Variants in ALDH3A2 observed in about 807,000 individuals in gnomAD.
The protein encoded by ALDH3A2 is aldehyde dehydrogenase family 3 member A2.
ALDH3A2 carries 36 observed loss-of-function variants against 51.3 expected under a neutral mutation model. That is an observed-to-expected ratio of 0.70 (90% CI 0.54 to 0.93). The LOEUF (loss-of-function observed/expected upper bound fraction) is 0.93. ALDH3A2 is among the 40% of genes least tolerant of loss of function. The probability of loss-of-function intolerance (pLI) is 0.00; values close to 1 mark genes in which losing one functional copy is unlikely to be tolerated. For missense variants in ALDH3A2, 552 were observed against 603.1 expected, an observed-to-expected ratio of 0.92 and a Z score of 0.89; for synonymous variants, 199 against 219.8, an observed-to-expected ratio of 0.91 and a Z score of 0.84.
At position 19,677,491 on chromosome 17, in the gene ALDH3A2, A is replaced by C. The variant is rs970624605; in HGVS notation, c.*1919A>C. ...GAACATATTTCATAAAATTGGCATC[A>C]ATTTTAATGACGCTCCTGGTATGGA... On this transcript the variant is annotated 3_prime_UTR_variant, in exon 10 of 10. Coordinates refer to ENST00000176643, the MANE Select transcript of ALDH3A2 (RefSeq NM_000382.3). The C allele has an allele frequency of 1.3e-5, 2 of 152,214 alleles. No individual in the cohort carries two copies. Among genetic ancestry groups the C allele is most frequent in the East Asian group, 3.8e-4 (2 of 5,200 alleles). 9.4% of individuals were successfully genotyped at this position (152,214 alleles called of 1,614,324 possible).
chr17:19,649,131 A>G lies in ALDH3A2; in HGVS notation c.153+7A>G. ...CGCCGCCGACCTGTGCAAGGTACGCACGCGTGCGGCGGGGTGTGGGGAAAC... is the reference window on the plus strand; with the variant it reads ...CGCCGCCGACCTGTGCAAGGTACGCGCGCGTGCGGCGGGGTGTGGGGAAAC... On this transcript the variant is annotated splice_region_variant and intron_variant, in intron 1 of 9. Transcript: ENST00000176643. 2 of 1,558,966 alleles carry G rather than the reference A, an allele frequency of 1.3e-6. No individual in the cohort carries two copies. The highest frequency in any genetic ancestry group is 1.7e-6 in the Non-Finnish European group (2 of 1,149,580).
At chr17:19,668,399 C>T (rs2085067679) in intron 8 of ALDH3A2, among the ~76,000 whole-genome samples, 1 of 152,022 alleles carries the variant, frequency 6.6e-6, no homozygotes. Context: ...AGGCACCCGA[C>T]ACCACTCCTA....
intron 5 of ALDH3A2, among the ~76,000 whole-genome samples, chr17:19,659,276 T>TC (rs1315006433): frequency 3.3e-4 from 50 of 151,064 alleles, no homozygotes; most frequent in African/African-American, 1.1e-3. Flanking sequence ...GGTGGTTCAC[T>TC]CCTGTAATCC....
At chr17:19,650,418 C>T (rs1268528477) in intron 1 of ALDH3A2, among the ~76,000 whole-genome samples, 1 of 151,984 alleles carries the variant, frequency 6.6e-6, no homozygotes, top group African/African-American at 2.4e-5. Flanking sequence ...GATACTAGGA[C>T]TACAGGCATG....
chr17:19,675,865 T>C lies in ALDH3A2; in HGVS notation c.*293T>C, dbSNP rs1434962620. Reference sequence around the variant, plus strand: ...ATTAGACTAAATACAAACTGCGGGGTTGTAAGGGAGTCTCAGAACCTCACT... The same window carrying C: ...ATTAGACTAAATACAAACTGCGGGGCTGTAAGGGAGTCTCAGAACCTCACT... On this transcript the variant is annotated 3_prime_UTR_variant, in exon 10 of 10. Coordinates refer to ENST00000176643, the MANE Select transcript of ALDH3A2 (RefSeq NM_000382.3). 1.6e-5 allele frequency: 7 copies of C among 441,748 alleles called. No homozygotes were observed. The highest frequency in any genetic ancestry group is 2.9e-5 in the Non-Finnish European group (7 of 240,238). The allele number at this position is 441,748 out of a possible 1,614,324, so 27.4% of individuals were successfully genotyped here. A position where few individuals can be genotyped will look rare whatever the true frequency, so the allele number is the denominator to read the frequency against.
intron 9 of ALDH3A2, chr17:19,675,212 G>T: frequency 4.0e-6 from 1 of 252,676 alleles, no homozygotes; most frequent in Non-Finnish European, 7.5e-6. Context: ...ATTCCATGTA[G>T]AGACTTCAGC....
chr17:19,671,921 A>C lies in ALDH3A2; in HGVS notation c.1408A>C (p.Thr470Pro). ...AGAAAAACTCGGTCTCCTGTTGCTC[A>C]CTTTCCTGGGTATTGTAGCCGCTGT... Reference protein sequence around the residue: ...NKEKLGLLLLTFLGIVAAVLV... With the variant: ...NKEKLGLLLLPFLGIVAAVLV... Residue 470 changes from threonine to proline, a missense_variant, in exon 9 of 10, where the codon ACT becomes CCT. Transcript: ENST00000176643. 1 of 1,614,142 alleles carries C rather than the reference A, an allele frequency of 6.2e-7. No individual in the cohort carries two copies. Among genetic ancestry groups the C allele is most frequent in the East Asian group, 2.2e-5 (1 of 44,874 alleles).
chr17:19,673,417 G>T, intron 9 of ALDH3A2: 5 of 1,157,186 alleles, frequency 4.3e-6, no homozygotes, highest in Non-Finnish European at 5.9e-6. Flanking sequence ...GAGGCTTAAG[G>T]GTTATTGAAA....
chr17:19,648,663 A>G (rs1436359567), upstream of ALDH3A2: 7 of 444,998 alleles, frequency 1.6e-5, no homozygotes, highest in Non-Finnish European at 2.9e-5. Flanking sequence ...AGCCGGGGAG[A>G]GGGCGGGGGC....
chr17:19,673,141 G>A (rs1183886702), intron 9 of ALDH3A2: 2 of 1,614,010 alleles, frequency 1.2e-6, no homozygotes, highest in East Asian at 4.5e-5. Context: ...AATCATTTGG[G>A]TTTTCTCAGA....
At position 19,675,749 on chromosome 17, in the gene ALDH3A2, G is replaced by A. The variant is rs1319645179; in HGVS notation, c.*177G>A. 2.7e-5 allele frequency: 20 copies of A among 729,802 alleles called. No individual in the cohort carries two copies. Among genetic ancestry groups the A allele is most frequent in the East Asian group, 2.4e-4 (9 of 37,204 alleles). 45.2% of individuals were successfully genotyped at this position (729,802 alleles called of 1,614,324 possible). On this transcript the variant is annotated 3_prime_UTR_variant, in exon 10 of 10. Transcript: ENST00000176643. ...TAATAAAAGTTGCCATTTCAACTAC[G>A]TCCCAACATTCCCTAATAGGGTATT...
chr17:19,658,204 A>G (rs2152328940), intron 5 of ALDH3A2, among the ~76,000 whole-genome samples: 1 of 152,300 alleles, frequency 6.6e-6, no homozygotes, highest in Admixed American at 6.5e-5. Flanking sequence ...TCTTTGGCAT[A>G]TTGGCCATTG....
intron 8 of ALDH3A2, among the ~76,000 whole-genome samples, chr17:19,669,341 C>G (rs1402282238): frequency 6.6e-6 from 1 of 152,074 alleles, no homozygotes; most frequent in Admixed American, 6.6e-5. Context: ...CTGGAGTTCA[C>G]TTTAGAATGC....
rs1205373630 is a variant in ALDH3A2 at position 19,654,269 on chromosome 17, G to A, written c.471+1637G>A. Among the ~76,000 whole-genome samples the A allele has an allele frequency of 1.3e-5, 2 of 152,278 alleles. No individual in the cohort carries two copies. The highest frequency in any genetic ancestry group is 2.1e-4 in the South Asian group (1 of 4,838). On this transcript the variant is annotated intron_variant, in intron 3 of 9. Transcript: ENST00000176643. This position sits in a 1 kb window ranked among gnomAD's most constrained non-coding sequence, Gnocchi z 4.5. ...GCTTTGCCTAGTGGATCCCACGCCG[G>A]GGCTGTGGGTGGAGCTGCCCATCAG...
In ALDH3A2 at chr17:19,656,346, T is replaced by C. The variant is rs1428734875; in HGVS notation, c.472-20T>C. ...GGATTTATTTGGCAGTGCAAGAGTT[T>C]GTGTTTCTCTTTCTTTGAGGATCTC... On this transcript the variant is annotated intron_variant, in intron 3 of 9. Transcript: ENST00000176643. 1.3e-6 allele frequency: 2 copies of C among 1,597,036 alleles called. No individual in the cohort carries two copies. The highest frequency in any genetic ancestry group is 8.6e-7 in the Non-Finnish European group (1 of 1,164,696).
intron 9 of ALDH3A2, chr17:19,673,294 C>T: frequency 6.2e-7 from 1 of 1,612,330 alleles, no homozygotes; most frequent in Non-Finnish European, 8.5e-7. Flanking sequence ...TTTTTGTTTT[C>T]TTTCTATATG....
At chr17:19,661,470 C>A in intron 6 of ALDH3A2, 2 of 609,608 alleles carry the variant, frequency 3.3e-6, no homozygotes, top group Admixed American at 6.1e-5. Context: ...AATGATGCCA[C>A]CAGCGTTGCT....
chr17:19,673,271 G>T (rs766800054), intron 9 of ALDH3A2: 3 of 1,614,020 alleles, frequency 1.9e-6, no homozygotes, highest in Non-Finnish European at 2.5e-6. Flanking sequence ...TCTGTTAAGA[G>T]TGAGGTAGGA....
chr17:19,660,838 C>T (rs1192994336), intron 5 of ALDH3A2, among the ~76,000 whole-genome samples: 1 of 152,228 alleles, frequency 6.6e-6, no homozygotes, highest in South Asian at 2.1e-4. Flanking sequence ...CTGTCAGCCC[C>T]AGGAGGTGAA....
Sources: gnomAD v4.1 joint callset for allele counts (sites outside exome capture counted in the v4.1 genomes callset) on GRCh38, gnomAD v4.1.1 for gene constraint, Gnocchi (gnomAD v3.1) non-coding constraint, MANE v1.5 for transcripts, NCBI Gene and HGNC (gene_info 2026-07-23, HGNC 2026-07-21) for gene names.